The following DCC variants were observed in gnomAD, a reference collection of about 807,000 sequenced individuals.
DCC encodes the protein netrin receptor DCC.
Under a neutral mutation model 172.5 loss-of-function variants are expected in DCC, and 58 were observed. The observed-to-expected ratio is 0.34, with a 90% CI of 0.27 to 0.42. DCC has a LOEUF of 0.42. Ranked by LOEUF, DCC falls within the 10% of genes least tolerant of loss-of-function variation. DCC has a pLI of 1.00. For synonymous variants in DCC, 709 were observed against 644.5 expected (o/e 1.10, Z -1.52); for missense variants, 1,740 against 1,791.0 (o/e 0.97, Z 0.51).
At chr18:52,568,495 T>G (rs1430520265) in intron 1 of DCC, among the ~76,000 whole-genome samples, 5 of 152,182 alleles carry the variant, frequency 3.3e-5, no homozygotes, top group Non-Finnish European at 7.3e-5. Flanking sequence ...TATACAGATA[T>G]ATGAAGTTCC....
At chr18:52,692,069 G>A (rs1421080346) in intron 1 of DCC, among the ~76,000 whole-genome samples, 1 of 152,112 alleles carries the variant, frequency 6.6e-6, no homozygotes, top group Non-Finnish European at 1.5e-5. Context: ...AGAATCCACT[G>A]TTAGTGATGT....
intron 2 of DCC, among the ~76,000 whole-genome samples, chr18:52,803,644 C>A (rs116627384): frequency 0.011 from 1,716 of 152,174 alleles, 27 homozygotes; most frequent in African/African-American, 0.04. Flanking sequence ...CAAATTATTG[C>A]AAATCTCCAA....
At chr18:52,500,401 A>G (rs1445444506) in intron 1 of DCC, among the ~76,000 whole-genome samples, 1 of 152,180 alleles carries the variant, frequency 6.6e-6, no homozygotes, top group Non-Finnish European at 1.5e-5. Flanking sequence ...TTGATATTTC[A>G]TTGACTCTGG....
chr18:52,439,174 T>TTTTGTGTGTG (rs74178668), intron 1 of DCC, among the ~76,000 whole-genome samples: 3 of 144,852 alleles, frequency 2.1e-5, no homozygotes, highest in Middle Eastern at 3.5e-3. Flanking sequence ...AAGATATGTT[T>TTTTGTGTGTG]TGTGTGTGTG....
At chr18:53,066,574 T>C (rs1348496905) in intron 7 of DCC, among the ~76,000 whole-genome samples, 1 of 150,828 alleles carries the variant, frequency 6.6e-6, no homozygotes, top group Non-Finnish European at 1.5e-5. Context: ...AAATATAAAA[T>C]ATATAATATA....
rs1314458457 is a variant in DCC at position 52,512,268 on chromosome 18, T to A, written c.91+171390T>A. Among the ~76,000 whole-genome samples the A allele has an allele frequency of 2.0e-5, 3 of 152,310 alleles. No homozygotes were observed. The South Asian group carries it at 6.2e-4, about 32-fold the overall frequency. ...ACCATTCCTGTGGCCAAGTCCTCCA[T>A]CTACATTTCCTCCTTAGCTGCTGCT... is the stretch of plus-strand genomic sequence containing the variant. On this transcript the variant is annotated intron_variant, in intron 1 of 28. Transcript: ENST00000442544.
intron 2 of DCC, among the ~76,000 whole-genome samples, chr18:52,839,949 C>G (rs562395586): frequency 6.6e-6 from 1 of 152,356 alleles, no homozygotes; most frequent in Non-Finnish European, 1.5e-5. Flanking sequence ...CTTCCCACTA[C>G]AGGCCAATGG....
intron 2 of DCC, among the ~76,000 whole-genome samples, chr18:52,876,637 G>A (rs564248648): frequency 5.9e-5 from 9 of 152,310 alleles, no homozygotes; most frequent in Admixed American, 2.0e-4. Flanking sequence ...AGAAGGAATG[G>A]TCTGGATCAG....
chr18:53,148,602 G>C (rs2043951057), intron 7 of DCC, among the ~76,000 whole-genome samples: 1 of 152,264 alleles, frequency 6.6e-6, no homozygotes, highest in East Asian at 1.9e-4. Flanking sequence ...AATAGTGACA[G>C]ATGGAAAGGG....
intron 1 of DCC, among the ~76,000 whole-genome samples, chr18:52,661,457 T>C (rs1056186276): frequency 6.6e-6 from 1 of 152,172 alleles, no homozygotes; most frequent in African/African-American, 2.4e-5. Context: ...AGGGACTAAG[T>C]GAAAGGCAGG....
intron 5 of DCC, among the ~76,000 whole-genome samples, chr18:53,029,707 C>T (rs1172783795): frequency 3.9e-5 from 6 of 152,022 alleles, no homozygotes; most frequent in Non-Finnish European, 8.8e-5. Context: ...ACCACAAAAC[C>T]CTATCCTATC....
chr18:52,553,656 G>T (rs557898772), intron 1 of DCC, among the ~76,000 whole-genome samples: 2 of 151,968 alleles, frequency 1.3e-5, no homozygotes, highest in Admixed American at 6.6e-5. Context: ...AGCCAAAAAT[G>T]GTAGACAATA....
intron 22 of DCC, among the ~76,000 whole-genome samples, chr18:53,440,666 C>A (rs1236380359): frequency 6.6e-6 from 1 of 152,028 alleles, no homozygotes; most frequent in Non-Finnish European, 1.5e-5. Context: ...GATACAGAAA[C>A]AAAATTTTAC....
chr18:52,361,913 G>A (rs1984635391), intron 1 of DCC, among the ~76,000 whole-genome samples: 1 of 152,178 alleles, frequency 6.6e-6, no homozygotes, highest in African/African-American at 2.4e-5. Flanking sequence ...TGAGTGTTGT[G>A]CTCATTAAAC....
chr18:53,112,189 G>C (rs2043343189), intron 7 of DCC, among the ~76,000 whole-genome samples: 1 of 151,248 alleles, frequency 6.6e-6, no homozygotes, highest in Non-Finnish European at 1.5e-5. Context: ...TGCATTTTAG[G>C]ACATAAAAAC....
In DCC at chr18:52,847,316, C is replaced by T. The variant is rs62098967; in HGVS notation, c.413-58728C>T. On this transcript the variant is annotated intron_variant, in intron 2 of 28. Transcript: ENST00000442544. Reference sequence around the variant, plus strand: ...ATAAGCACTGACCCATTAGAATCAGCATCAGCCATTGTGTTGGAGTAGAAT... The same window carrying T: ...ATAAGCACTGACCCATTAGAATCAGTATCAGCCATTGTGTTGGAGTAGAAT... 5.8e-3 allele frequency among the ~76,000 whole-genome samples: 879 copies of T among 152,284 alleles called. 5 individuals carry two copies. Among genetic ancestry groups the T allele is most frequent in the Admixed American group, 0.011 (162 of 15,296 alleles).
intron 1 of DCC, among the ~76,000 whole-genome samples, chr18:52,518,141 C>T (rs565982264): frequency 6.6e-6 from 1 of 152,044 alleles, no homozygotes; most frequent in Non-Finnish European, 1.5e-5. Context: ...CTCCTAGAAA[C>T]AATTAGCTTT....
intron 2 of DCC, among the ~76,000 whole-genome samples, chr18:52,858,982 C>A (rs2039093727): frequency 6.6e-6 from 1 of 152,020 alleles, no homozygotes; most frequent in Non-Finnish European, 1.5e-5. Context: ...TAAAATAGGG[C>A]AAATATAATC....
chr18:52,436,428 A>G (rs1987796646), intron 1 of DCC, among the ~76,000 whole-genome samples: 1 of 152,136 alleles, frequency 6.6e-6, no homozygotes, highest in Non-Finnish European at 1.5e-5. Context: ...CATTCTTGCC[A>G]CTCAACATGC....
Sources: allele counts gnomAD v4.1 joint callset (sites outside exome capture counted in the v4.1 genomes callset), GRCh38; gene constraint gnomAD v4.1.1; transcripts MANE v1.5; gene names NCBI Gene and HGNC (gene_info 2026-07-23, HGNC 2026-07-21).